Variants in VPS8 observed in about 807,000 individuals in gnomAD.
VPS8 encodes VPS8 subunit of CORVET complex.
In VPS8, 129 loss-of-function variants were observed where a neutral mutation model predicts 216.4. The ratio of observed to expected loss-of-function variants is 0.60; its 90% CI spans 0.52 to 0.69. VPS8 has a LOEUF of 0.69. VPS8 is among the 30% of genes least tolerant of loss of function. The probability of loss-of-function intolerance (pLI) is 0.00; values close to 1 mark genes in which losing one functional copy is unlikely to be tolerated. For missense variants in VPS8, 1,531 were observed against 1,683.5 expected, an observed-to-expected ratio of 0.91 and a Z score of 1.59; for synonymous variants, 571 against 565.4, an observed-to-expected ratio of 1.01 and a Z score of -0.14.
chr3:184,824,706 A>T lies in VPS8; in HGVS notation c.74A>T (p.Lys25Met), dbSNP rs751810716. The T allele has an allele frequency of 2.5e-6, 4 of 1,613,842 alleles. No individual in the cohort carries two copies. Among genetic ancestry groups the T allele is most frequent in the Non-Finnish European group, 3.4e-6 (4 of 1,179,866 alleles). ...AAGACGAGCGAAGAAGAGCTGAATA[A>T]GTCTTTCAATCTAGAAGCTTCACTT... ...CAKTSEEELN[K>M]SFNLEASLSK... The change falls in exon 2 of 48, where the codon AAG becomes ATG. Residue 25 changes from lysine (K) to methionine (M), a missense_variant. By Grantham distance (95) the Lys-to-Met change is moderately conservative. Around this residue, in one of 3 missense-constraint regions of VPS8, gnomAD observed 199 missense variants for 182.2 expected, o/e 1.09. Coordinates refer to ENST00000625842, the MANE Select transcript of VPS8 (RefSeq NM_001009921.3).
In VPS8 at chr3:185,024,672, A is replaced by G. The variant is rs73885641; in HGVS notation, c.4056+283A>G. On this transcript the variant is annotated intron_variant, in intron 46 of 47. Coordinates refer to ENST00000625842, the MANE Select transcript of VPS8 (RefSeq NM_001009921.3). ...ATCAATGAGTGGTAGTAGGTGAAAG[A>G]TATTCACAGGAAAGCTATATAGTTT... 0.03 allele frequency among the ~76,000 whole-genome samples: 4,540 copies of G among 152,284 alleles called. 208 individuals are homozygous for G. The highest frequency in any genetic ancestry group is 0.1 in the African/African-American group (4,323 of 41,534).
intron 1 of VPS8, among the ~76,000 whole-genome samples, chr3:184,821,884 C>T (rs1477229640): frequency 6.6e-6 from 1 of 152,058 alleles, no homozygotes; most frequent in Admixed American, 6.6e-5. Flanking sequence ...TCATCAGTTC[C>T]ATTTTAATGA....
intron 4 of VPS8, among the ~76,000 whole-genome samples, chr3:184,833,471 G>T (rs1297481726): frequency 6.6e-6 from 1 of 152,050 alleles, no homozygotes; most frequent in East Asian, 1.9e-4. Context: ...ATGGGATAGG[G>T]GCTGTTGCTG....
intron 42 of VPS8, among the ~76,000 whole-genome samples, chr3:184,989,409 C>T (rs1006231565): frequency 2.0e-5 from 3 of 151,930 alleles, no homozygotes; most frequent in Admixed American, 6.6e-5. Context: ...TGGTGGATTA[C>T]AGTAATTGAT....
At chr3:184,857,444 G>A (rs1451943231) in intron 14 of VPS8, among the ~76,000 whole-genome samples, 2 of 152,188 alleles carry the variant, frequency 1.3e-5, no homozygotes, top group African/African-American at 4.8e-5. Context: ...GAAATGGGAT[G>A]TTTCATTCAT....
chr3:184,965,381 A>G (rs1252941680), intron 38 of VPS8, among the ~76,000 whole-genome samples: 2 of 152,202 alleles, frequency 1.3e-5, no homozygotes, highest in African/African-American at 4.8e-5. Flanking sequence ...TGACAATACC[A>G]TGAACCTAGT....
intron 47 of VPS8, 118 bp downstream of exon 47, chr3:185,048,677 T>C: frequency 2.8e-6 from 3 of 1,088,540 alleles, no homozygotes; most frequent in Non-Finnish European, 4.0e-6. Context: ...TGCCCTGGCA[T>C]CCCTGTTATG....
intron 21 of VPS8, among the ~76,000 whole-genome samples, chr3:184,874,111 C>T (rs906887770): frequency 1.3e-5 from 2 of 151,574 alleles, no homozygotes; most frequent in Non-Finnish European, 2.9e-5. Context: ...AGACTATCTG[C>T]TGACATCCCC....
chr3:184,856,888 A>T (rs1488056701), intron 14 of VPS8, among the ~76,000 whole-genome samples: 2 of 152,154 alleles, frequency 1.3e-5, no homozygotes, highest in Non-Finnish European at 2.9e-5. Context: ...CTTAAAAAAA[A>T]ACAAAAGAGG....
Position 184,994,044 on chromosome 3 carries a change from A to C in VPS8, c.3647A>C (p.Asp1216Ala), listed in dbSNP as rs1441009705. 6.4e-7 allele frequency: 1 copy of C among 1,567,740 alleles called. No individual in the cohort carries two copies. Among genetic ancestry groups the C allele is most frequent in the Admixed American group, 1.9e-5 (1 of 53,342 alleles). ...EIQGLILGML[D>A]TFNYEQTLLE... ...CAGGGACTTATCTTGGGAATGTTAG[A>C]TACCTTTAACTATGAACAAGTAAGT... Residue 1216 changes from aspartate (D) to alanine (A), a missense_variant, in exon 43 of 48, where the codon GAT (aspartate) becomes GCT (alanine). Physicochemically the swap from Asp to Ala is moderately radical, Grantham distance 126 (BLOSUM62 -2). This residue lies in a region of VPS8 where 1,318 missense variants were observed against 1,468.4 expected (regional missense o/e 0.90). Coordinates refer to ENST00000625842, the MANE Select transcript of VPS8 (RefSeq NM_001009921.3).
intron 40 of VPS8, among the ~76,000 whole-genome samples, chr3:184,976,303 A>G (rs1165399018): frequency 6.6e-6 from 1 of 152,062 alleles, no homozygotes; most frequent in Non-Finnish European, 1.5e-5. Flanking sequence ...TAGGTAGATC[A>G]TACCAGTCTT....
At chr3:184,882,062 A>G (rs912724698) in intron 21 of VPS8, among the ~76,000 whole-genome samples, 2 of 150,762 alleles carry the variant, frequency 1.3e-5, no homozygotes, top group South Asian at 2.1e-4. Flanking sequence ...TCTGTGTGCT[A>G]TTTTTTTCCT....
At chr3:184,902,648 G>C (rs1734752930) in intron 25 of VPS8, among the ~76,000 whole-genome samples, 1 of 151,222 alleles carries the variant, frequency 6.6e-6, no homozygotes, top group Non-Finnish European at 1.5e-5. Flanking sequence ...TGGCCAACAT[G>C]GTGAAACCCT....
At chr3:184,989,594 C>G (rs1751597609) in intron 42 of VPS8, among the ~76,000 whole-genome samples, 1 of 151,980 alleles carries the variant, frequency 6.6e-6, no homozygotes, top group African/African-American at 2.4e-5. Flanking sequence ...GTTGAACCAG[C>G]CTTGCATACC....
chr3:184,959,337 A>C (rs1460255902), intron 37 of VPS8, among the ~76,000 whole-genome samples: 2 of 152,284 alleles, frequency 1.3e-5, no homozygotes, highest in Admixed American at 6.5e-5. Flanking sequence ...AATATAACCC[A>C]TGTTTCCAAT....
At chr3:184,888,910 C>A (rs1012957963) in intron 22 of VPS8, among the ~76,000 whole-genome samples, 5 of 152,128 alleles carry the variant, frequency 3.3e-5, no homozygotes, top group Non-Finnish European at 7.4e-5. Context: ...GACTTGTGAT[C>A]ATTATCTTGA....
intron 25 of VPS8, chr3:184,901,511 T>A (rs573794371): frequency 6.6e-6 from 1 of 151,604 alleles, no homozygotes; most frequent in African/African-American, 2.4e-5. Context: ...TTTTTTGGGT[T>A]TTTTTTGTTT....
At chr3:184,906,793 A>G (rs1306849520) in intron 25 of VPS8, among the ~76,000 whole-genome samples, 1 of 152,202 alleles carries the variant, frequency 6.6e-6, no homozygotes, top group Non-Finnish European at 1.5e-5. Flanking sequence ...AAAAGCTTGT[A>G]GAGGTGCGAT....
chr3:184,972,030 C>T (rs903191164), intron 40 of VPS8, among the ~76,000 whole-genome samples: 6 of 151,020 alleles, frequency 4.0e-5, no homozygotes, highest in Admixed American at 2.6e-4. Flanking sequence ...GAGCTGAGAT[C>T]GCACCATTGC....
Sources: gnomAD v4.1 joint callset for allele counts (sites outside exome capture counted in the v4.1 genomes callset) on GRCh38, gnomAD v4.1.1 for gene constraint, gnomAD v4.1.1 regional missense constraint, MANE v1.5 for transcripts, NCBI Gene and HGNC (gene_info 2026-07-23, HGNC 2026-07-21) for gene names.